NCAM2: variants seen among roughly 807,000 people sequenced by gnomAD.
NCAM2 encodes neural cell adhesion molecule 2.
NCAM2 carries 30 observed loss-of-function variants against 98.1 expected under a neutral mutation model. That is an observed-to-expected ratio of 0.31 (90% confidence interval 0.23 to 0.41). The LOEUF is 0.41. NCAM2 is among the 10% of genes least tolerant of loss of function. NCAM2 has a pLI of 1.00. For synonymous variants in NCAM2, 368 were observed against 342.4 expected, an observed-to-expected ratio of 1.07 and a Z score of -0.83; for missense variants, 867 against 1,005.8, an observed-to-expected ratio of 0.86 and a Z score of 1.87.
chr21:21,149,303 A>G (rs369081208), intron 1 of NCAM2, among the ~76,000 whole-genome samples: 14 of 152,320 alleles, frequency 9.2e-5, no homozygotes, highest in African/African-American at 3.4e-4. Context: ...ACTTGGAGAT[A>G]ATTGATATAT....
intron 16 of NCAM2, among the ~76,000 whole-genome samples, chr21:21,510,423 C>T (rs1056184851): frequency 1.5e-4 from 23 of 152,080 alleles, no homozygotes; most frequent in Admixed American, 1.3e-3. Flanking sequence ...TGGAACTTCA[C>T]ATAAATGGAT....
At chr21:21,218,169 G>A (rs1031453651) in intron 1 of NCAM2, among the ~76,000 whole-genome samples, 2 of 152,182 alleles carry the variant, frequency 1.3e-5, no homozygotes, top group Non-Finnish European at 2.9e-5. Flanking sequence ...AATGCGTTTA[G>A]GATATTGTTA....
chr21:21,051,146 T>G (rs983841044), intron 1 of NCAM2, among the ~76,000 whole-genome samples: 6 of 152,218 alleles, frequency 3.9e-5, no homozygotes, highest in African/African-American at 1.4e-4. Flanking sequence ...GATGGTCCCA[T>G]GTCCGAGGTA....
At chr21:21,014,100 A>C (rs908803283) in intron 1 of NCAM2, among the ~76,000 whole-genome samples, 2 of 152,228 alleles carry the variant, frequency 1.3e-5, no homozygotes, top group Admixed American at 6.5e-5. Flanking sequence ...ACAGCTGGTG[A>C]CTAAGCTGAA....
At chr21:21,526,065 A>G (rs1465609736) in intron 16 of NCAM2, among the ~76,000 whole-genome samples, 1 of 152,070 alleles carries the variant, frequency 6.6e-6, no homozygotes, top group Non-Finnish European at 1.5e-5. Context: ...GAGTAACTAG[A>G]AGCTGTCCCC....
intron 1 of NCAM2, among the ~76,000 whole-genome samples, chr21:21,268,794 T>C (rs1182719062): frequency 6.6e-6 from 1 of 152,164 alleles, no homozygotes; most frequent in Non-Finnish European, 1.5e-5. Flanking sequence ...GGTACCGAAT[T>C]TGCCCCTTCA....
At chr21:21,303,067 G>C (rs62207670) in intron 5 of NCAM2, among the ~76,000 whole-genome samples, 2 of 151,858 alleles carry the variant, frequency 1.3e-5, no homozygotes, top group Admixed American at 1.3e-4. Flanking sequence ...ATGAACCTCC[G>C]CATGGGAACC....
At chr21:21,050,389 T>G (rs1308428248) in intron 1 of NCAM2, among the ~76,000 whole-genome samples, 3 of 152,188 alleles carry the variant, frequency 2.0e-5, no homozygotes, top group Non-Finnish European at 4.4e-5. Context: ...TTATGAGTGT[T>G]AACAGAACTC....
At chr21:21,403,361 T>G in intron 9 of NCAM2, among the ~76,000 whole-genome samples, 1 of 152,198 alleles carries the variant, frequency 6.6e-6, no homozygotes, top group South Asian at 2.1e-4. Context: ...CCTGTTGAGA[T>G]GAATACCTTG....
At chr21:21,017,985 T>A (rs1313227789) in intron 1 of NCAM2, among the ~76,000 whole-genome samples, 3 of 152,106 alleles carry the variant, frequency 2.0e-5, no homozygotes, top group African/African-American at 7.2e-5. Context: ...AATGTTTGCT[T>A]TATTTGTTTC....
chr21:21,047,411 G>T (rs1015814872), intron 1 of NCAM2, among the ~76,000 whole-genome samples: 1 of 152,166 alleles, frequency 6.6e-6, no homozygotes, highest in African/African-American at 2.4e-5. Flanking sequence ...ATGAGCAACA[G>T]AAATGAATTG....
intron 1 of NCAM2, among the ~76,000 whole-genome samples, chr21:21,054,721 GTC>G (rs1416564303): frequency 2.6e-5 from 4 of 151,988 alleles, no homozygotes; most frequent in Non-Finnish European, 5.9e-5. Context: ...ATTAATTCAA[GTC>G]TCTCTGTTAA....
chr21:21,497,966 A>G (rs1041354976), intron 15 of NCAM2, among the ~76,000 whole-genome samples: 3 of 152,106 alleles, frequency 2.0e-5, no homozygotes, highest in African/African-American at 7.2e-5. Flanking sequence ...AAATTCCCCA[A>G]ATAATATGTG....
At chr21:21,336,393 T>C (rs962004812) in intron 7 of NCAM2, among the ~76,000 whole-genome samples, 6 of 137,846 alleles carry the variant, frequency 4.4e-5, no homozygotes, top group African/African-American at 1.4e-4. Context: ...TCTGTTAGAA[T>C]AAGAAGGACT....
chr21:21,453,470 G>A (rs1981649116), intron 12 of NCAM2, among the ~76,000 whole-genome samples: 1 of 152,008 alleles, frequency 6.6e-6, no homozygotes, highest in African/African-American at 2.4e-5. Flanking sequence ...TACAGGCTAT[G>A]GAGAAGACTT....
chr21:21,026,630 A>AG (rs1275034827), intron 1 of NCAM2, among the ~76,000 whole-genome samples: 1 of 151,672 alleles, frequency 6.6e-6, no homozygotes, highest in Non-Finnish European at 1.5e-5. Flanking sequence ...CGTCTCAAAA[A>AG]AAAAAAAATT....
chr21:21,241,703 C>G (rs897880958), intron 1 of NCAM2, among the ~76,000 whole-genome samples: 1 of 132,098 alleles, frequency 7.6e-6, no homozygotes, highest in Non-Finnish European at 1.6e-5. Context: ...GAAACCAAGG[C>G]TCTGTTTTTT....
At chr21:21,449,290 C>T (rs903177170) in intron 12 of NCAM2, among the ~76,000 whole-genome samples, 1 of 150,856 alleles carries the variant, frequency 6.6e-6, no homozygotes, top group African/African-American at 2.4e-5. Context: ...AGTGAGAAAA[C>T]AAATATGAAT....
intron 1 of NCAM2, among the ~76,000 whole-genome samples, chr21:21,088,931 A>C (rs2065957785): frequency 6.6e-6 from 1 of 151,322 alleles, no homozygotes; most frequent in Admixed American, 6.6e-5. Context: ...AGATTGCGCC[A>C]CTGCACTCCA....
Sources: allele counts gnomAD v4.1 joint callset (sites outside exome capture counted in the v4.1 genomes callset), GRCh38; gene constraint gnomAD v4.1.1; transcripts MANE v1.5; gene names NCBI Gene and HGNC (gene_info 2026-07-23, HGNC 2026-07-21).